TSPAN18: variants seen among roughly 807,000 people sequenced by gnomAD.
The protein encoded by TSPAN18 is tetraspanin 18.
Under a neutral mutation model 27.3 loss-of-function variants are expected in TSPAN18, and 14 were observed. The ratio of observed to expected loss-of-function variants is 0.51; its 90% CI spans 0.34 to 0.80. The LOEUF (loss-of-function observed/expected upper bound fraction) is 0.80, where lower values mean the gene tolerates loss of function less well. TSPAN18 is among the 30% of genes least tolerant of loss of function. The pLI, the probability that TSPAN18 is intolerant of heterozygous loss-of-function variation, is 0.01. For synonymous variants in TSPAN18, 143 were observed against 136.5 expected (o/e 1.05, Z -0.33); for missense variants, 268 against 323.9 (o/e 0.83, Z 1.32).
intron 2 of TSPAN18, among the ~76,000 whole-genome samples, chr11:44,818,928 G>T (rs553039336): frequency 1.3e-5 from 2 of 152,114 alleles, no homozygotes; most frequent in Non-Finnish European, 2.9e-5. Context: ...AAATGGCCTA[G>T]GTGATCTCTT....
In TSPAN18 at chr11:44,839,335, A is replaced by G. The variant is rs528455686; in HGVS notation, c.-152-20993A>G. 2.0e-4 allele frequency among the ~76,000 whole-genome samples: 30 copies of G among 152,330 alleles called. No homozygotes were observed. In the South Asian group the frequency reaches 6.2e-3, roughly 32 times the overall value. ...TGTCTCCCTTGCCTCCTGCAAAAAG[A>G]GAAACCATTTCTCAGACACTCCTGG... On this transcript the variant is annotated intron_variant, in intron 2 of 9. Transcript: ENST00000520358.
chr11:44,813,565 G>T (rs1201334566), intron 2 of TSPAN18, among the ~76,000 whole-genome samples: 1 of 152,276 alleles, frequency 6.6e-6, no homozygotes, highest in Non-Finnish European at 1.5e-5. Flanking sequence ...CTCAGCAGGC[G>T]CTGCTGGGAG....
intron 1 of TSPAN18, among the ~76,000 whole-genome samples, chr11:44,733,903 G>A (rs1189098746): frequency 6.6e-6 from 1 of 152,130 alleles, no homozygotes; most frequent in African/African-American, 2.4e-5. Flanking sequence ...AGTTTGGTTT[G>A]TTTGACCCTC....
chr11:44,804,601 C>T (rs574209857), intron 2 of TSPAN18, among the ~76,000 whole-genome samples: 4 of 152,272 alleles, frequency 2.6e-5, no homozygotes, highest in South Asian at 2.1e-4. Context: ...TCAGAAGCTC[C>T]GTAACTAACA....
intron 2 of TSPAN18, among the ~76,000 whole-genome samples, chr11:44,849,886 C>T (rs951278161): frequency 5.3e-5 from 8 of 152,166 alleles, no homozygotes; most frequent in Admixed American, 3.3e-4. Flanking sequence ...TGCCACAGCT[C>T]ATTGGCCAAG....
chr11:44,930,547 C>A lies in TSPAN18; in HGVS notation c.*1369C>A, dbSNP rs147262356. On this transcript the variant is annotated 3_prime_UTR_variant, in exon 10 of 10. Coordinates refer to ENST00000520358, the MANE Select transcript of TSPAN18 (RefSeq NM_130783.5). ...GTTTCCTGTCTCTTCACTGTCCGCA[C>A]ATTTCTTAGTATTCCCTCCAGGCTT... The A allele has an allele frequency of 4.8e-5, 13 of 273,392 alleles. No individual in the cohort carries two copies. Among genetic ancestry groups the A allele is most frequent in the Non-Finnish European group, 9.5e-5 (13 of 137,396 alleles). The allele number at this position is 273,392 out of a possible 1,614,324, so 16.9% of individuals were successfully genotyped here.
At chr11:44,781,658 T>C (rs1347681922) in intron 2 of TSPAN18, among the ~76,000 whole-genome samples, 3 of 152,188 alleles carry the variant, frequency 2.0e-5, no homozygotes, top group Admixed American at 1.3e-4. Flanking sequence ...CTGAGTACCT[T>C]CATACACACT....
At chr11:44,881,670 C>T (rs546624143) in intron 3 of TSPAN18, among the ~76,000 whole-genome samples, 128 of 152,216 alleles carry the variant, frequency 8.4e-4, no homozygotes, top group Non-Finnish European at 1.5e-3. Flanking sequence ...TTCAGACACG[C>T]TCCACCTGCT....
At chr11:44,844,907 T>A (rs944264451) in intron 2 of TSPAN18, among the ~76,000 whole-genome samples, 5 of 152,172 alleles carry the variant, frequency 3.3e-5, no homozygotes, top group African/African-American at 1.2e-4. Flanking sequence ...TCATCACCAC[T>A]CATTGAGGCA....
Position 44,919,725 on chromosome 11 carries a change from C to A in TSPAN18, c.433-92C>A, listed in dbSNP as rs567355561. 5.8e-5 allele frequency: 76 copies of A among 1,303,068 alleles called. No individual in the cohort carries two copies. In the East Asian group the frequency reaches 1.6e-3, roughly 28 times the overall value. 80.7% of individuals were successfully genotyped at this position (1,303,068 alleles called of 1,614,324 possible). ...CCCGCCCACACCCAGTCTTCTGATG[C>A]CACTCCTTTGCAGAGGCTGTATGTC... On this transcript the variant is annotated intron_variant, in intron 7 of 9. Transcript: ENST00000520358.
chr11:44,908,802 A>AGAAGGAAGGAAG (rs1859584133), intron 4 of TSPAN18, among the ~76,000 whole-genome samples: 3 of 115,530 alleles, frequency 2.6e-5, no homozygotes, highest in African/African-American at 3.6e-5. Flanking sequence ...AAAGAAAGAA[A>AGAAGGAAGGAAG]GAAAGAAAGA....
intron 2 of TSPAN18, among the ~76,000 whole-genome samples, chr11:44,815,533 G>A (rs925424734): frequency 6.6e-6 from 1 of 152,126 alleles, no homozygotes; most frequent in East Asian, 1.9e-4. Flanking sequence ...GGGGGGTCTG[G>A]GGAGTTGAGG....
chr11:44,727,415 C>T (rs1854542730), intron 1 of TSPAN18, 128 bp downstream of exon 1: 1 of 152,262 alleles, frequency 6.6e-6, no homozygotes, highest in South Asian at 2.1e-4. Context: ...GAGTAGGGAT[C>T]CCAGGACGGA....
intron 2 of TSPAN18, among the ~76,000 whole-genome samples, chr11:44,829,854 AT>A (rs1476996977): frequency 6.6e-6 from 1 of 152,184 alleles, no homozygotes; most frequent in African/African-American, 2.4e-5. Flanking sequence ...AGGATTTTGG[AT>A]TTCAGTGATG....
At chr11:44,822,530 A>G (rs1476817015) in intron 2 of TSPAN18, among the ~76,000 whole-genome samples, 3 of 151,702 alleles carry the variant, frequency 2.0e-5, no homozygotes, top group Non-Finnish European at 4.4e-5. Flanking sequence ...TGATAGTGGA[A>G]GTGACTTGGG....
At chr11:44,755,613 C>T (rs1334177387) in intron 1 of TSPAN18, among the ~76,000 whole-genome samples, 1 of 152,092 alleles carries the variant, frequency 6.6e-6, no homozygotes, top group African/African-American at 2.4e-5. Context: ...ACACCAACCC[C>T]CTATGTAGCT....
rs183978977 is a variant in TSPAN18, at chr11:44,762,603, A to C, written c.-239-1823A>C. On this transcript the variant is annotated intron_variant, in intron 1 of 9. Transcript: ENST00000520358. ...AAATAACTTGCCCAAGGTCATACCT[A>C]TATATACACATATGTGTGTGTGTGT... Among the ~76,000 whole-genome samples, 228 of 152,132 alleles carry C rather than the reference A, an allele frequency of 1.5e-3. 2 individuals are homozygous for C. The highest frequency in any genetic ancestry group is 5.2e-3 in the African/African-American group (216 of 41,488).
chr11:44,820,959 T>G (rs1014948925), intron 2 of TSPAN18, among the ~76,000 whole-genome samples: 2 of 152,228 alleles, frequency 1.3e-5, no homozygotes, highest in Non-Finnish European at 2.9e-5. Flanking sequence ...GTGCCATGCT[T>G]GTACAGCCTG....
At chr11:44,783,200 G>A (rs1323753830) in intron 2 of TSPAN18, among the ~76,000 whole-genome samples, 1 of 152,040 alleles carries the variant, frequency 6.6e-6, no homozygotes, top group African/African-American at 2.4e-5. Context: ...GAAAACACAG[G>A]AGAATATCTT....
Sources: allele counts gnomAD v4.1 joint callset (sites outside exome capture counted in the v4.1 genomes callset), GRCh38; gene constraint gnomAD v4.1.1; transcripts MANE v1.5; gene names NCBI Gene and HGNC (gene_info 2026-07-23, HGNC 2026-07-21).